The following CADM2 variants were observed in gnomAD, a reference collection of about 807,000 sequenced individuals.
The protein encoded by CADM2 is cell adhesion molecule 2.
CADM2 carries 12 observed loss-of-function variants against 49.8 expected under a neutral mutation model. That is an observed-to-expected ratio of 0.24 (90% confidence interval 0.15 to 0.39). The LOEUF is 0.39. CADM2 is among the 10% of genes least tolerant of loss of function. The pLI is 1.00. For missense variants in CADM2, 378 were observed against 492.3 expected (o/e 0.77, Z 2.20); for synonymous variants, 214 against 175.4 (o/e 1.22, Z -1.74).
At chr3:85,980,789 A>G (rs1727379195) in intron 8 of CADM2, among the ~76,000 whole-genome samples, 1 of 151,620 alleles carries the variant, frequency 6.6e-6, no homozygotes, top group African/African-American at 2.4e-5. Flanking sequence ...AATATCTGCT[A>G]TACTATTAAG....
rs1162671164 is a variant in CADM2 at position 86,072,869 on chromosome 3, AT to A, written c.*6087del. Reference sequence around the variant, plus strand: ...ATAAATCTCATAAATAGAAAGAAAAATAATCTAGAAATTTTTCAAAGCTAGT... The same window carrying A: ...ATAAATCTCATAAATAGAAAGAAAAAAATCTAGAAATTTTTCAAAGCTAGT... On this transcript the variant is annotated 3_prime_UTR_variant, in exon 10 of 10. Transcript: ENST00000383699. 6.6e-6 allele frequency: 1 copy of A among 152,066 alleles called. No homozygotes were observed. Among genetic ancestry groups the A allele is most frequent in the African/African-American group, 2.4e-5 (1 of 41,440 alleles). The allele number at this position is 152,066 out of a possible 1,614,324, so 9.4% of individuals were successfully genotyped here.
intron 8 of CADM2, among the ~76,000 whole-genome samples, chr3:86,017,835 T>A (rs1249022643): frequency 7.6e-6 from 1 of 131,292 alleles, no homozygotes; most frequent in Non-Finnish European, 1.8e-5. Context: ...AAAACTTTTT[T>A]CTTTTTTTTT....
chr3:85,014,437 AC>A (rs2034154452), intron 1 of CADM2, among the ~76,000 whole-genome samples: 1 of 147,860 alleles, frequency 6.8e-6, no homozygotes, highest in African/African-American at 2.5e-5. Flanking sequence ...TAGGAAAAAA[AC>A]ATAGTGTGCA....
At chr3:85,766,078 A>G (rs6792733) in intron 2 of CADM2, among the ~76,000 whole-genome samples, 7,736 of 152,162 alleles carry the variant, frequency 0.051, 560 homozygotes, top group African/African-American at 0.16. Context: ...TATTCTCACC[A>G]TCTTTTGGCC....
intron 1 of CADM2, among the ~76,000 whole-genome samples, chr3:85,082,660 T>C (rs1485696844): frequency 6.6e-6 from 1 of 152,128 alleles, no homozygotes; most frequent in Non-Finnish European, 1.5e-5. Flanking sequence ...AATGAAGGTA[T>C]TCTTGTAGTT....
At chr3:85,243,563 T>C (rs2042580834) in intron 1 of CADM2, among the ~76,000 whole-genome samples, 2 of 152,098 alleles carry the variant, frequency 1.3e-5, no homozygotes, top group Non-Finnish European at 2.9e-5. Flanking sequence ...TACTTTATGC[T>C]CTTCAACGTA....
intron 2 of CADM2, among the ~76,000 whole-genome samples, chr3:85,777,647 T>C (rs897815066): frequency 6.6e-6 from 1 of 152,198 alleles, no homozygotes; most frequent in Non-Finnish European, 1.5e-5. Context: ...TTACTCTTTC[T>C]CATTTCAATA....
chr3:86,068,496 G>C lies in CADM2; in HGVS notation c.*1713G>C, dbSNP rs567772286. ...ATGATGGCCTATGGTTTTAAAAATAGTATTGTGGAATATATTTTTGGGTAA... is the reference window on the plus strand; with the variant it reads ...ATGATGGCCTATGGTTTTAAAAATACTATTGTGGAATATATTTTTGGGTAA... On this transcript the variant is annotated 3_prime_UTR_variant, in exon 10 of 10. Coordinates refer to ENST00000383699, the MANE Select transcript of CADM2 (RefSeq NM_001167675.2). 6.6e-6 allele frequency: 1 copy of C among 152,024 alleles called. No individual in the cohort carries two copies. Among genetic ancestry groups the C allele is most frequent in the African/African-American group, 2.4e-5 (1 of 41,542 alleles). 9.4% of individuals were successfully genotyped at this position (152,024 alleles called of 1,614,324 possible). A position where few individuals can be genotyped will look rare whatever the true frequency, so the allele number is the denominator to read the frequency against.
intron 7 of CADM2, among the ~76,000 whole-genome samples, chr3:85,945,881 C>T (rs1166851230): frequency 1.3e-5 from 2 of 152,032 alleles, no homozygotes; most frequent in African/African-American, 4.8e-5. Flanking sequence ...GACAGGGATG[C>T]CCTCTCTCAC....
At chr3:85,890,388 G>A (rs1023083543) in intron 5 of CADM2, among the ~76,000 whole-genome samples, 1 of 152,088 alleles carries the variant, frequency 6.6e-6, no homozygotes, top group African/African-American at 2.4e-5. Context: ...TGAAGTGGAG[G>A]AAGGAGTCAA....
chr3:85,688,206 T>G (rs939656152), intron 1 of CADM2, among the ~76,000 whole-genome samples: 1 of 152,156 alleles, frequency 6.6e-6, no homozygotes, highest in African/African-American at 2.4e-5. Flanking sequence ...AATTATGGAC[T>G]GCAGGGATGA....
intron 1 of CADM2, among the ~76,000 whole-genome samples, chr3:85,725,554 A>C (rs750184068): frequency 3.9e-5 from 6 of 152,018 alleles, no homozygotes; most frequent in Non-Finnish European, 7.4e-5. Context: ...AAAGTAGACT[A>C]TATCACTTCA....
intron 1 of CADM2, among the ~76,000 whole-genome samples, chr3:85,609,193 T>G (rs1391482191): frequency 6.6e-6 from 1 of 152,008 alleles, no homozygotes; most frequent in Non-Finnish European, 1.5e-5. Flanking sequence ...CAGATTCTCA[T>G]GAGTGTGAAG....
chr3:85,932,287 T>G (rs527627818), intron 6 of CADM2, among the ~76,000 whole-genome samples: 1 of 151,982 alleles, frequency 6.6e-6, no homozygotes, highest in Non-Finnish European at 1.5e-5. Flanking sequence ...AGGAGAAACG[T>G]TGGGGAAAGA....
At chr3:85,721,895 A>G (rs2067516798) in intron 1 of CADM2, among the ~76,000 whole-genome samples, 1 of 152,200 alleles carries the variant, frequency 6.6e-6, no homozygotes, top group South Asian at 2.1e-4. Flanking sequence ...CTTGCTCCAC[A>G]CCCAGGAAGA....
intron 1 of CADM2, among the ~76,000 whole-genome samples, chr3:85,197,683 C>T (rs1053098476): frequency 1.3e-5 from 2 of 151,918 alleles, no homozygotes; most frequent in Admixed American, 6.6e-5. Context: ...ATTTAATATA[C>T]CCAATGTAAA....
intron 1 of CADM2, among the ~76,000 whole-genome samples, chr3:85,635,440 A>AT (rs1430527435): frequency 3.9e-5 from 6 of 152,162 alleles, no homozygotes; most frequent in Non-Finnish European, 7.4e-5. Context: ...AAGTACAGTG[A>AT]TTTTTAAAGT....
intron 1 of CADM2, among the ~76,000 whole-genome samples, chr3:85,338,987 G>A (rs779841098): frequency 1.3e-5 from 2 of 151,422 alleles, no homozygotes; most frequent in African/African-American, 4.8e-5. Flanking sequence ...TTGAGACCAT[G>A]CATAATTTTC....
At position 85,197,032 on chromosome 3, in the gene CADM2, A is replaced by G. The variant is rs1220733376; in HGVS notation, c.61+237364A>G. 2.6e-5 allele frequency among the ~76,000 whole-genome samples: 4 copies of G among 152,092 alleles called. No homozygotes were observed. In the South Asian group the frequency reaches 8.3e-4, roughly 31 times the overall value. On this transcript the variant is annotated intron_variant, in intron 1 of 9. Coordinates refer to ENST00000383699, the MANE Select transcript of CADM2 (RefSeq NM_001167675.2). ...AATTGGCCTAGGGAAAACCTTTGCT[A>G]CGTTTTAGGACAACCATTATCAGTT...
Sources: allele counts gnomAD v4.1 joint callset (sites outside exome capture counted in the v4.1 genomes callset), GRCh38; gene constraint gnomAD v4.1.1; transcripts MANE v1.5; gene names NCBI Gene and HGNC (gene_info 2026-07-23, HGNC 2026-07-21).